The following TTLL11 variants were observed in gnomAD, a reference collection of about 807,000 sequenced individuals.
The protein encoded by TTLL11 is tubulin polyglutamylase TTLL11.
In TTLL11, 42 loss-of-function variants were observed where a neutral mutation model predicts 51.7. The observed-to-expected ratio is 0.81, with a 90% CI of 0.64 to 1.05. The LOEUF is 1.05. Among genes scored for constraint, TTLL11 ranks in the 50% least tolerant of loss-of-function variants. TTLL11 has a pLI of 0.00. For missense variants in TTLL11, 799 were observed against 940.4 expected (o/e 0.85, Z 1.97); for synonymous variants, 381 against 383.5 (o/e 0.99, Z 0.08).
chr9:121,852,670 A>C (rs7042144), intron 8 of TTLL11, among the ~76,000 whole-genome samples: 2,476 of 152,264 alleles, frequency 0.016, 68 homozygotes, highest in African/African-American at 0.057. Context: ...GACTCCACCT[A>C]GTCTGGTGGC....
At chr9:121,985,177 G>A (rs1842913135) in intron 4 of TTLL11, among the ~76,000 whole-genome samples, 1 of 152,206 alleles carries the variant, frequency 6.6e-6, no homozygotes, top group African/African-American at 2.4e-5. Context: ...TGCAATCTGA[G>A]TCAAGCCCAG....
At chr9:122,047,361 G>T (rs1845036792) in intron 1 of TTLL11, among the ~76,000 whole-genome samples, 1 of 152,206 alleles carries the variant, frequency 6.6e-6, no homozygotes, top group African/African-American at 2.4e-5. Context: ...AAATAAATGT[G>T]TAAAAGCACA....
At chr9:121,946,903 C>T (rs955701978) in intron 6 of TTLL11, among the ~76,000 whole-genome samples, 2 of 152,142 alleles carry the variant, frequency 1.3e-5, no homozygotes, top group Non-Finnish European at 2.9e-5. Context: ...CAGCCTACCC[C>T]CATTCATTAG....
chr9:121,950,964 A>AG (rs1412491639), intron 6 of TTLL11, among the ~76,000 whole-genome samples: 5 of 152,158 alleles, frequency 3.3e-5, no homozygotes, highest in African/African-American at 4.8e-5. Flanking sequence ...GATGATGACG[A>AG]GGGGACAAGG....
chr9:121,951,020 G>A (rs907829548), intron 6 of TTLL11, among the ~76,000 whole-genome samples: 1 of 152,160 alleles, frequency 6.6e-6, no homozygotes, highest in African/African-American at 2.4e-5. Context: ...CTTCTTTCTG[G>A]GCACACTCAC....
At chr9:122,012,213 C>G (rs1319596161) in intron 3 of TTLL11, among the ~76,000 whole-genome samples, 5 of 152,168 alleles carry the variant, frequency 3.3e-5, no homozygotes, top group African/African-American at 1.2e-4. Context: ...AAGATTGGCT[C>G]TGCTCTTTTC....
chr9:121,860,271 C>T, intron 8 of TTLL11, 66 bp downstream of exon 8: 2 of 1,264,426 alleles, frequency 1.6e-6, no homozygotes, highest in Non-Finnish European at 2.2e-6. Flanking sequence ...CAAGAAGGAA[C>T]AGAAAATATA....
chr9:122,051,356 A>C (rs1402333324), intron 1 of TTLL11, among the ~76,000 whole-genome samples: 1 of 152,216 alleles, frequency 6.6e-6, no homozygotes, highest in Non-Finnish European at 1.5e-5. Flanking sequence ...GAGTTGTGAC[A>C]AACACTTCAA....
rs914895542 is a variant in TTLL11 at position 121,820,625 on chromosome 9, C to T, written c.*1962G>A. Among the ~76,000 whole-genome samples the T allele has an allele frequency of 1.3e-5, 2 of 152,118 alleles. No homozygotes were observed. The highest frequency in any genetic ancestry group is 4.8e-5 in the African/African-American group (2 of 41,422). ...AAGACAGACACACCTGGACCAAGTC[C>T]TGACTACATGGCCTCCTGGGCCTTC... On this transcript the variant is annotated 3_prime_UTR_variant, in exon 9 of 9. Transcript: ENST00000321582.
Position 121,923,397 on chromosome 9 carries a change from A to C in TTLL11, c.1481+50612T>G, listed in dbSNP as rs1374314598. 3.3e-5 allele frequency among the ~76,000 whole-genome samples: 5 copies of C among 152,188 alleles called. 1 individual carries two copies. In the East Asian group the frequency reaches 9.6e-4, roughly 29 times the overall value. On this transcript the variant is annotated intron_variant, in intron 6 of 8. Transcript: ENST00000321582. Reference sequence around the variant, plus strand: ...GTGGACAGGGTCTAGAAGAGCTTAAAATTGCTGGTAGAAGTTAGGGTTGGA... The same window carrying C: ...GTGGACAGGGTCTAGAAGAGCTTAACATTGCTGGTAGAAGTTAGGGTTGGA...
chr9:122,087,691 A>G (rs1317740618), intron 1 of TTLL11, among the ~76,000 whole-genome samples: 4 of 152,032 alleles, frequency 2.6e-5, no homozygotes, highest in Non-Finnish European at 4.4e-5. Context: ...AGTGGCGTCT[A>G]CTCTCTATGG....
chr9:121,884,838 C>T (rs1838948123), intron 6 of TTLL11: 2 of 152,340 alleles, frequency 1.3e-5, no homozygotes, highest in South Asian at 2.1e-4. Context: ...TGCTGCCTCT[C>T]GCCACAGCTC....
intron 7 of TTLL11, among the ~76,000 whole-genome samples, chr9:121,861,202 C>A (rs555945083): frequency 3.4e-4 from 51 of 151,892 alleles, no homozygotes; most frequent in Admixed American, 2.2e-3. Context: ...GTTCTCCCTA[C>A]GTCTGTCCCC....
In TTLL11 at chr9:121,986,501, T is replaced by TCTAAGTTCTTCC. The variant is rs555313093; in HGVS notation, c.1269+2682_1269+2693dup. On this transcript the variant is annotated intron_variant, in intron 4 of 8. Coordinates refer to ENST00000321582, the MANE Select transcript of TTLL11 (RefSeq NM_001139442.2). ...AGGACTTGTTTTCTCTGGCCCTACC[T>TCTAAGTTCTTCC]CTAAGTTCTTCCCTTTTCTCCTTTC... Among the ~76,000 whole-genome samples the TCTAAGTTCTTCC allele has an allele frequency of 1.4e-4, 22 of 152,320 alleles. 1 individual carries two copies. In the East Asian group the frequency reaches 4.1e-3, roughly 28 times the overall value.
chr9:122,009,054 T>C (rs1309646085), intron 3 of TTLL11, among the ~76,000 whole-genome samples: 2 of 152,194 alleles, frequency 1.3e-5, no homozygotes, highest in Non-Finnish European at 2.9e-5. Context: ...GAGCTATTTG[T>C]CAAAGGATAC....
intron 1 of TTLL11, among the ~76,000 whole-genome samples, chr9:122,064,433 G>A (rs1262065787): frequency 6.6e-6 from 1 of 152,212 alleles, no homozygotes; most frequent in African/African-American, 2.4e-5. Context: ...AATCATAAAT[G>A]AGTTCCTCAA....
intron 6 of TTLL11, among the ~76,000 whole-genome samples, chr9:121,925,233 C>T (rs1225100058): frequency 6.6e-6 from 1 of 152,220 alleles, no homozygotes; most frequent in African/African-American, 2.4e-5. Context: ...TTCTCCTAAA[C>T]TTAGAAAAAA....
intron 3 of TTLL11, among the ~76,000 whole-genome samples, chr9:122,022,423 A>G (rs1588212912): frequency 6.6e-6 from 1 of 152,188 alleles, no homozygotes. Context: ...GATCAAAAAT[A>G]AGGAAGAAAA....
Position 121,853,463 on chromosome 9 carries a change from C to T in TTLL11, c.1840+6874G>A, listed in dbSNP as rs990456107. ...GGTGAGCAAGGAGAGGGGGTTCCTG[C>T]AGAGGTGGGGGCCTGAGGGGGCCGG... On this transcript the variant is annotated intron_variant, in intron 8 of 8. Transcript: ENST00000321582. The surrounding 1 kb of genome is among the most constrained non-coding windows in gnomAD (Gnocchi z 5.6). Among the ~76,000 whole-genome samples the T allele has an allele frequency of 4.2e-4, 45 of 107,680 alleles. No individual in the cohort carries two copies. Among genetic ancestry groups the T allele is most frequent in the African/African-American group, 1.7e-3 (44 of 26,474 alleles). The allele number at this position is 107,680 out of a possible 152,430, so 70.6% of individuals were successfully genotyped here.
Sources: allele counts gnomAD v4.1 joint callset (sites outside exome capture counted in the v4.1 genomes callset), GRCh38; gene constraint gnomAD v4.1.1; non-coding constraint Gnocchi (gnomAD v3.1); transcripts MANE v1.5; gene names NCBI Gene and HGNC (gene_info 2026-07-23, HGNC 2026-07-21).